The following TCF12 variants were observed in gnomAD, a reference collection of about 807,000 sequenced individuals.
The protein encoded by TCF12 is DNA-binding protein HTF4.
In TCF12, 45 loss-of-function variants were observed where a neutral mutation model predicts 86.0. The ratio of observed to expected loss-of-function variants is 0.52; its 90% CI spans 0.41 to 0.67. The LOEUF (loss-of-function observed/expected upper bound fraction) is 0.67, where lower values mean the gene tolerates loss of function less well. TCF12 is among the 30% of genes least tolerant of loss of function. TCF12 has a pLI of 0.00. For synonymous variants in TCF12, 330 were observed against 299.6 expected, an observed-to-expected ratio of 1.10 and a Z score of -1.05; for missense variants, 881 against 859.9, an observed-to-expected ratio of 1.02 and a Z score of -0.31.
At chr15:57,096,840 T>A (rs1269969978) in intron 5 of TCF12, among the ~76,000 whole-genome samples, 1 of 152,124 alleles carries the variant, frequency 6.6e-6, no homozygotes, top group Non-Finnish European at 1.5e-5. Context: ...ATTTAACAGG[T>A]TGGGTCTAAT....
chr15:57,016,976 G>A (rs1334761795), intron 3 of TCF12, among the ~76,000 whole-genome samples: 1 of 152,152 alleles, frequency 6.6e-6, no homozygotes, highest in African/African-American at 2.4e-5. Flanking sequence ...GGGCTCATCC[G>A]TGTTGCTGTC....
At chr15:57,226,365 T>C (rs993135196) in intron 8 of TCF12, among the ~76,000 whole-genome samples, 1 of 152,150 alleles carries the variant, frequency 6.6e-6, no homozygotes, top group Non-Finnish European at 1.5e-5. Flanking sequence ...CAGGGCAAGT[T>C]AGCCAAATAA....
At chr15:57,223,657 T>C (rs868670031) in intron 8 of TCF12, among the ~76,000 whole-genome samples, 4 of 135,060 alleles carry the variant, frequency 3.0e-5, no homozygotes, top group Admixed American at 2.2e-4. Context: ...TTTTTTTTTT[T>C]TTTTTTTTTT....
At chr15:57,052,904 A>G (rs1162453073) in intron 3 of TCF12, among the ~76,000 whole-genome samples, 1 of 152,162 alleles carries the variant, frequency 6.6e-6, no homozygotes, top group African/African-American at 2.4e-5. Context: ...ATTGTGAATA[A>G]TGCTGCAGTT....
intron 3 of TCF12, among the ~76,000 whole-genome samples, chr15:56,988,333 A>G (rs1440672431): frequency 6.6e-6 from 1 of 152,168 alleles, no homozygotes; most frequent in Non-Finnish European, 1.5e-5. Context: ...CTCCTAGGCT[A>G]CAAACCTGTA....
At chr15:57,007,476 A>T (rs747005074) in intron 3 of TCF12, among the ~76,000 whole-genome samples, 16 of 152,226 alleles carry the variant, frequency 1.1e-4, no homozygotes, top group Non-Finnish European at 1.8e-4. Context: ...GGAGTATGGT[A>T]AATGTTCTTC....
intron 5 of TCF12, among the ~76,000 whole-genome samples, chr15:57,145,817 C>A (rs2053317604): frequency 6.6e-6 from 1 of 152,176 alleles, no homozygotes; most frequent in Non-Finnish European, 1.5e-5. Context: ...TTATGCTACT[C>A]TGCTCCTGCT....
At chr15:57,217,865 C>T (rs1182209985) in intron 8 of TCF12, among the ~76,000 whole-genome samples, 1 of 152,010 alleles carries the variant, frequency 6.6e-6, no homozygotes, top group African/African-American at 2.4e-5. Context: ...CACAGTTCTC[C>T]AAGGATTGAA....
chr15:57,159,690 T>G (rs1286279013), intron 5 of TCF12, among the ~76,000 whole-genome samples: 1 of 137,458 alleles, frequency 7.3e-6, no homozygotes, highest in Non-Finnish European at 1.6e-5. Context: ...GGTTAAGCTT[T>G]TAGCTTTTAA....
At chr15:57,247,733 T>G (rs1268026621) in intron 13 of TCF12, 1 of 732,622 alleles carries the variant, frequency 1.4e-6, no homozygotes, top group African/African-American at 1.7e-5. Context: ...TCTCTTTGGT[T>G]CCACTACACA....
At chr15:57,075,363 T>C (rs956326915) in intron 4 of TCF12, among the ~76,000 whole-genome samples, 45 of 152,356 alleles carry the variant, frequency 3.0e-4, no homozygotes, top group African/African-American at 1.0e-3. Flanking sequence ...TGCACATCTT[T>C]ATGTTGTTAA....
intron 5 of TCF12, among the ~76,000 whole-genome samples, chr15:57,103,330 A>G (rs2049890419): frequency 6.6e-6 from 1 of 152,164 alleles, no homozygotes; most frequent in Non-Finnish European, 1.5e-5. Context: ...GTATTTGAAG[A>G]ATTTTCTGAG....
intron 18 of TCF12, among the ~76,000 whole-genome samples, chr15:57,268,579 C>T (rs4238321): frequency 1.3e-5 from 2 of 151,874 alleles, no homozygotes; most frequent in African/African-American, 2.4e-5. Context: ...TATTAGAATA[C>T]TCAGGGTATT....
At chr15:57,131,259 C>T (rs2097685014) in intron 5 of TCF12, among the ~76,000 whole-genome samples, 1 of 152,188 alleles carries the variant, frequency 6.6e-6, no homozygotes, top group South Asian at 2.1e-4. Flanking sequence ...AGACCAGTCA[C>T]TGCTCTTTAT....
chr15:57,044,471 G>T (rs554324892), intron 3 of TCF12, among the ~76,000 whole-genome samples: 2 of 152,192 alleles, frequency 1.3e-5, no homozygotes, highest in Non-Finnish European at 2.9e-5. Context: ...TTTTTAAAAT[G>T]AACTTTTTGT....
chr15:56,971,146 GGGAGCCTT>G (rs2062292812), intron 3 of TCF12, among the ~76,000 whole-genome samples: 1 of 152,160 alleles, frequency 6.6e-6, no homozygotes, highest in African/African-American at 2.4e-5. Flanking sequence ...AGGGTGGGCT[GGGAGCCTT>G]GGCTCACGCC....
chr15:57,224,256 G>T (rs193058866), intron 8 of TCF12, among the ~76,000 whole-genome samples: 1 of 151,984 alleles, frequency 6.6e-6, no homozygotes, highest in African/African-American at 2.4e-5. Context: ...GGTAGGTAAC[G>T]TGTCAGTCAT....
intron 5 of TCF12, among the ~76,000 whole-genome samples, chr15:57,102,822 A>C (rs1429282674): frequency 6.6e-6 from 1 of 152,136 alleles, no homozygotes; most frequent in South Asian, 2.1e-4. Flanking sequence ...TTTCTAGGCA[A>C]ATGTCAGATT....
intron 5 of TCF12, among the ~76,000 whole-genome samples, chr15:57,104,786 T>C (rs1264531982): frequency 1.3e-5 from 2 of 151,612 alleles, no homozygotes; most frequent in Non-Finnish European, 2.9e-5. Flanking sequence ...ATCTCCTTGT[T>C]CTCCTTTGAG....
Sources: gnomAD v4.1 joint callset for allele counts (sites outside exome capture counted in the v4.1 genomes callset) on GRCh38, gnomAD v4.1.1 for gene constraint, MANE v1.5 for transcripts, NCBI Gene and HGNC (gene_info 2026-07-23, HGNC 2026-07-21) for gene names.